GPHN: variants seen among roughly 807,000 people sequenced by gnomAD.
The protein encoded by GPHN is gephyrin.
In GPHN, 17 loss-of-function variants were observed where a neutral mutation model predicts 95.5. The ratio of observed to expected loss-of-function variants is 0.18; its 90% CI spans 0.12 to 0.27. The LOEUF (loss-of-function observed/expected upper bound fraction) is 0.27. GPHN is among the 10% of genes least tolerant of loss of function. The probability of loss-of-function intolerance (pLI) is 1.00; values close to 1 mark genes in which losing one functional copy is unlikely to be tolerated. For synonymous variants in GPHN, 320 were observed against 322.5 expected, an observed-to-expected ratio of 0.99 and a Z score of 0.08; for missense variants, 660 against 978.1, an observed-to-expected ratio of 0.67 and a Z score of 4.34.
chr14:67,517,343 C>T, the GPHN span, among the ~76,000 whole-genome samples: 2 of 152,202 alleles, frequency 1.3e-5, no homozygotes, highest in African/African-American at 2.4e-5. Context: ...GGAAAGGCTT[C>T]GGAAGATCTG....
At chr14:66,660,017 A>T (rs952925990) in intron 1 of GPHN, among the ~76,000 whole-genome samples, 4 of 151,062 alleles carry the variant, frequency 2.6e-5, no homozygotes, top group African/African-American at 9.7e-5. Context: ...GAGTTATTTG[A>T]ATATTTTTAG....
chr14:67,567,978 G>A, the GPHN span, among the ~76,000 whole-genome samples: 1 of 152,212 alleles, frequency 6.6e-6, no homozygotes, highest in Non-Finnish European at 1.5e-5. Flanking sequence ...TTGGCCTGTG[G>A]CCTACTTCAG....
the GPHN span, chr14:67,615,054 A>C: frequency 6.6e-6 from 1 of 152,144 alleles, no homozygotes; most frequent in Non-Finnish European, 1.5e-5. Context: ...CAACCTATTA[A>C]GGGATAGAGT....
At position 66,508,570 on chromosome 14, in the gene GPHN, A is replaced by G; in HGVS notation, c.43A>G (p.Ile15Val). The G allele has an allele frequency of 6.2e-7, 1 of 1,613,810 alleles. No homozygotes were observed. The highest frequency in any genetic ancestry group is 8.5e-7 in the Non-Finnish European group (1 of 1,179,774). Residue 15 changes from isoleucine (I) to valine (V), a missense_variant, in exon 1 of 23, where the codon ATC (isoleucine) becomes GTC (valine). Physicochemically the swap from Ile to Val is conservative, Grantham distance 29. Transcript: ENST00000478722. ...GMILTNHDHQIRVGVLTVSDS... is the reference protein window; with the variant it reads ...GMILTNHDHQVRVGVLTVSDS... ...GATCCTTACTAACCACGACCATCAA[A>G]TCCGTGTCGGAGTCCTTACAGGTAA...
chr14:66,985,179 C>T (rs2070934267), intron 9 of GPHN, among the ~76,000 whole-genome samples: 1 of 152,050 alleles, frequency 6.6e-6, no homozygotes, highest in Non-Finnish European at 1.5e-5. Context: ...TGAACAACCT[C>T]AATGCTTGGG....
chr14:67,208,326 A>G, the GPHN span: 5 of 1,613,872 alleles, frequency 3.1e-6, no homozygotes, highest in Non-Finnish European at 4.2e-6. Context: ...GGTAAAAGAT[A>G]TTTTCAAACT....
intron 13 of GPHN, among the ~76,000 whole-genome samples, chr14:67,105,257 G>A (rs1162211256): frequency 6.6e-6 from 1 of 151,798 alleles, no homozygotes; most frequent in African/African-American, 2.4e-5. Context: ...GCCTAATATG[G>A]TCTATCTGGA....
chr14:67,731,207 CTTTTTT>C, the GPHN span, among the ~76,000 whole-genome samples: 8 of 90,614 alleles, frequency 8.8e-5, no homozygotes, highest in South Asian at 3.7e-3. Context: ...TTCTTTCTTT[CTTTTTT>C]TTTTTTTTTT....
chr14:66,806,323 A>T (rs147151707), intron 3 of GPHN, among the ~76,000 whole-genome samples: 3 of 152,246 alleles, frequency 2.0e-5, no homozygotes, highest in African/African-American at 7.2e-5. Flanking sequence ...CTGTGATGGG[A>T]GGGGCTGCTG....
the GPHN span, among the ~76,000 whole-genome samples, chr14:67,431,410 A>AAAC: frequency 1.5e-4 from 16 of 109,354 alleles, no homozygotes; most frequent in African/African-American, 5.9e-4. Context: ...AAAAAAAAAA[A>AAAC]AAAAAAAAAA....
chr14:67,182,087 A>G (rs1003134647), downstream of GPHN, among the ~76,000 whole-genome samples: 4 of 152,208 alleles, frequency 2.6e-5, no homozygotes, highest in African/African-American at 7.2e-5. Flanking sequence ...AAGGGTACTA[A>G]TGACTTAGAA....
At chr14:66,804,072 ATAATT>A (rs1405222792) in intron 3 of GPHN, among the ~76,000 whole-genome samples, 6 of 152,160 alleles carry the variant, frequency 3.9e-5, no homozygotes, top group African/African-American at 1.4e-4. Context: ...GTAATTTTTA[ATAATT>A]TTATGTTATA....
the GPHN span, among the ~76,000 whole-genome samples, chr14:67,230,826 T>C: frequency 3.3e-5 from 5 of 152,214 alleles, no homozygotes; most frequent in African/African-American, 4.8e-5. Context: ...AGTTGTGCTT[T>C]CCACAGTTTC....
Position 67,181,100 on chromosome 14 carries a change from A to G in GPHN, c.*163A>G. ...ATGAATTTAAATATCTTTTAAAGAA[A>G]AAAACACCTAAAAATAAATCTTAAC... is the stretch of plus-strand genomic sequence containing the variant. On this transcript the variant is annotated 3_prime_UTR_variant, in exon 23 of 23. Transcript: ENST00000478722. 2 of 698,472 alleles carry G rather than the reference A, an allele frequency of 2.9e-6. No individual in the cohort carries two copies. Among genetic ancestry groups the G allele is most frequent in the Non-Finnish European group, 4.8e-6 (2 of 419,630 alleles). 43.3% of individuals were successfully genotyped at this position (698,472 alleles called of 1,614,324 possible).
chr14:66,854,453 A>G (rs560904192), intron 4 of GPHN, among the ~76,000 whole-genome samples: 1 of 152,368 alleles, frequency 6.6e-6, no homozygotes, highest in Non-Finnish European at 1.5e-5. Context: ...GGGATTATCC[A>G]TCTTAAATGT....
the GPHN span, chr14:67,695,701 C>T: frequency 6.2e-7 from 1 of 1,614,132 alleles, no homozygotes; most frequent in Non-Finnish European, 8.5e-7. Flanking sequence ...TGAGCTCAAC[C>T]ATCTCTGCCG....
the GPHN span, chr14:67,557,509 T>C: frequency 4.8e-6 from 6 of 1,244,890 alleles, no homozygotes; most frequent in Non-Finnish European, 6.8e-6. Flanking sequence ...TCAAGCCCTC[T>C]AGTGCTGGGG....
chr14:67,550,381 G>A, the GPHN span, among the ~76,000 whole-genome samples: 2 of 152,140 alleles, frequency 1.3e-5, no homozygotes, highest in Non-Finnish European at 2.9e-5. Context: ...TAGAGACAAG[G>A]TTTCAACATG....
chr14:66,618,873 A>T (rs375729236), intron 1 of GPHN, among the ~76,000 whole-genome samples: 185 of 152,320 alleles, frequency 1.2e-3, no homozygotes, highest in African/African-American at 4.1e-3. Flanking sequence ...ATCACACTCT[A>T]CAAGTTTCCC....
Sources: allele counts gnomAD v4.1 joint callset (sites outside exome capture counted in the v4.1 genomes callset), GRCh38; gene constraint gnomAD v4.1.1; transcripts MANE v1.5; gene names NCBI Gene and HGNC (gene_info 2026-07-23, HGNC 2026-07-21).